The following ASAP1 variants were observed in gnomAD, a reference collection of about 807,000 sequenced individuals.
The protein encoded by ASAP1 is ArfGAP with SH3 domain, ankyrin repeat and PH domain 1.
Under a neutral mutation model 145.2 loss-of-function variants are expected in ASAP1, and 43 were observed. The observed-to-expected ratio is 0.30, with a 90% CI of 0.23 to 0.38. The LOEUF (loss-of-function observed/expected upper bound fraction) is 0.38, where lower values mean the gene tolerates loss of function less well. Ranked by LOEUF, ASAP1 falls within the 10% of genes least tolerant of loss-of-function variation. The pLI, the probability that ASAP1 is intolerant of heterozygous loss-of-function variation, is 1.00. For synonymous variants in ASAP1, 546 were observed against 515.5 expected, an observed-to-expected ratio of 1.06 and a Z score of -0.80; for missense variants, 1,018 against 1,355.3, an observed-to-expected ratio of 0.75 and a Z score of 3.91.
chr8:130,074,090 A>C (rs1421761700), intron 27 of ASAP1, among the ~76,000 whole-genome samples: 1 of 152,068 alleles, frequency 6.6e-6, no homozygotes, highest in Non-Finnish European at 1.5e-5. Context: ...CTTTATTTTA[A>C]TCCTTATTCA....
chr8:130,323,013 G>T (rs1565207614), intron 3 of ASAP1, among the ~76,000 whole-genome samples: 1 of 152,210 alleles, frequency 6.6e-6, no homozygotes, highest in Non-Finnish European at 1.5e-5. Context: ...ATGAGAAAAA[G>T]ATCAGAATAG....
Position 130,180,907 on chromosome 8 carries a change from T to TG in ASAP1, c.531-28_531-27insC, listed in dbSNP as rs1554840884. The TG allele has an allele frequency of 7.6e-6, 10 of 1,323,218 alleles. No individual in the cohort carries two copies. In the African/African-American group the frequency reaches 1.5e-4, roughly 20 times the overall value. 82.0% of individuals were successfully genotyped at this position (1,323,218 alleles called of 1,614,324 possible). ...TGTAATTAAAGCCAATGTCATTATT[T>TG]AAAAAAAAAAAATACACTCATGTAC... is the stretch of plus-strand genomic sequence containing the variant. On this transcript the variant is annotated intron_variant, in intron 7 of 29. Transcript: ENST00000518721.
chr8:130,059,709 AT>A (rs1456676331), intron 28 of ASAP1, among the ~76,000 whole-genome samples: 1 of 152,198 alleles, frequency 6.6e-6, no homozygotes, highest in African/African-American at 2.4e-5. Flanking sequence ...TTTCTACAAA[AT>A]TCTATGCTAT....
At chr8:130,326,345 C>T (rs1824328394) in intron 3 of ASAP1, among the ~76,000 whole-genome samples, 1 of 152,210 alleles carries the variant, frequency 6.6e-6, no homozygotes, top group South Asian at 2.1e-4. Context: ...ATTCACCTGC[C>T]TGCAATGTAA....
intron 5 of ASAP1, among the ~76,000 whole-genome samples, chr8:130,200,210 T>G (rs1238689792): frequency 2.0e-5 from 3 of 152,190 alleles, no homozygotes; most frequent in Non-Finnish European, 4.4e-5. Context: ...GATTTCAAAC[T>G]ATTACATTTT....
chr8:130,320,544 T>TA (rs906961684), intron 3 of ASAP1, among the ~76,000 whole-genome samples: 21 of 146,638 alleles, frequency 1.4e-4, no homozygotes, highest in East Asian at 9.8e-4. Flanking sequence ...AGATCTTGTC[T>TA]AAAAAAAAAA....
intron 1 of ASAP1, among the ~76,000 whole-genome samples, chr8:130,423,055 T>G (rs1196760147): frequency 6.6e-6 from 1 of 152,172 alleles, no homozygotes; most frequent in Non-Finnish European, 1.5e-5. Flanking sequence ...GTAATAGAAC[T>G]AAATTGCGCC....
intron 12 of ASAP1, among the ~76,000 whole-genome samples, chr8:130,158,607 A>G (rs1336404161): frequency 6.6e-6 from 1 of 152,136 alleles, no homozygotes; most frequent in Non-Finnish European, 1.5e-5. Flanking sequence ...AGCAACAGAA[A>G]AGAAGCCTCA....
chr8:130,074,440 AACACACACAC>A lies in ASAP1; in HGVS notation c.2701+1898_2701+1907del, dbSNP rs57005471. 2.1e-3 allele frequency among the ~76,000 whole-genome samples: 256 copies of A among 119,330 alleles called. 1 individual carries two copies. The highest frequency in any genetic ancestry group is 4.2e-3 in the South Asian group (15 of 3,552). The allele number at this position is 119,330 out of a possible 152,430, so 78.3% of individuals were successfully genotyped here. On this transcript the variant is annotated intron_variant, in intron 27 of 29. Coordinates refer to ENST00000518721, the MANE Select transcript of ASAP1 (RefSeq NM_018482.4). ...TTATTACGGAAAATTCCAAATAGTA[AACACACACAC>A]ACACACACACACACACACACACACA... is the stretch of plus-strand genomic sequence containing the variant.
intron 23 of ASAP1, among the ~76,000 whole-genome samples, chr8:130,114,933 T>C (rs977774516): frequency 2.0e-4 from 31 of 152,174 alleles, no homozygotes; most frequent in Admixed American, 2.6e-4. Flanking sequence ...GATTGATCCA[T>C]TTACTTTGTA....
At chr8:130,170,964 C>T (rs967297829) in intron 9 of ASAP1, among the ~76,000 whole-genome samples, 4 of 152,162 alleles carry the variant, frequency 2.6e-5, no homozygotes, top group Non-Finnish European at 4.4e-5. Flanking sequence ...AATCTGCTCT[C>T]CTTGGTCTCC....
At chr8:130,157,192 G>A (rs1268727971) in intron 12 of ASAP1, among the ~76,000 whole-genome samples, 3 of 152,176 alleles carry the variant, frequency 2.0e-5, no homozygotes, top group Admixed American at 6.5e-5. Flanking sequence ...TTTATCTCAT[G>A]CAGTTTGGAC....
intron 3 of ASAP1, among the ~76,000 whole-genome samples, chr8:130,259,583 TA>T (rs1819770006): frequency 6.6e-6 from 1 of 152,168 alleles, no homozygotes; most frequent in Non-Finnish European, 1.5e-5. Flanking sequence ...AAATTTCAAG[TA>T]AAATTGGCAT....
intron 5 of ASAP1, among the ~76,000 whole-genome samples, chr8:130,212,350 TA>T (rs1373433704): frequency 1.3e-5 from 2 of 152,132 alleles, no homozygotes; most frequent in Admixed American, 1.3e-4. Flanking sequence ...TTCTACTCCT[TA>T]AAGGGGAGTG....
At chr8:130,237,734 T>A (rs1818299023) in intron 3 of ASAP1, among the ~76,000 whole-genome samples, 1 of 152,038 alleles carries the variant, frequency 6.6e-6, no homozygotes, top group East Asian at 1.9e-4. Context: ...TTGTTAAAAT[T>A]CAGCAAATTG....
At chr8:130,343,057 G>C (rs1356183468) in intron 3 of ASAP1, among the ~76,000 whole-genome samples, 4 of 152,198 alleles carry the variant, frequency 2.6e-5, no homozygotes, top group Non-Finnish European at 4.4e-5. Flanking sequence ...AGGTTAAAAT[G>C]TTCAGGCAAG....
intron 28 of ASAP1, among the ~76,000 whole-genome samples, chr8:130,058,430 T>C (rs150708834): frequency 6.6e-6 from 1 of 152,202 alleles, no homozygotes; most frequent in Non-Finnish European, 1.5e-5. Flanking sequence ...GCTTGCAGAA[T>C]GACAGCAGAG....
At chr8:130,258,525 G>A (rs1386435044) in intron 3 of ASAP1, among the ~76,000 whole-genome samples, 1 of 152,174 alleles carries the variant, frequency 6.6e-6, no homozygotes, top group African/African-American at 2.4e-5. Flanking sequence ...AAGTGTAGTG[G>A]AAACAACAGA....
chr8:130,327,945 G>A (rs1337664177), intron 3 of ASAP1, among the ~76,000 whole-genome samples: 1 of 152,116 alleles, frequency 6.6e-6, no homozygotes, highest in African/African-American at 2.4e-5. Context: ...CTAATGACAT[G>A]GAGAAATGCT....
Sources: allele counts gnomAD v4.1 joint callset (sites outside exome capture counted in the v4.1 genomes callset), GRCh38; gene constraint gnomAD v4.1.1; transcripts MANE v1.5; gene names NCBI Gene and HGNC (gene_info 2026-07-23, HGNC 2026-07-21).